ATRNL1: variants seen among roughly 807,000 people sequenced by gnomAD.
The protein encoded by ATRNL1 is attractin-like protein 1.
Under a neutral mutation model 182.7 loss-of-function variants are expected in ATRNL1, and 95 were observed. The ratio of observed to expected loss-of-function variants is 0.52; its 90% CI spans 0.44 to 0.62. ATRNL1 has a LOEUF of 0.62. Ranked by LOEUF, ATRNL1 falls within the 20% of genes least tolerant of loss-of-function variation. The pLI, the probability that ATRNL1 is intolerant of heterozygous loss-of-function variation, is 0.00. For missense variants in ATRNL1, 1,471 were observed against 1,679.5 expected, an observed-to-expected ratio of 0.88 and a Z score of 2.17; for synonymous variants, 576 against 568.3, an observed-to-expected ratio of 1.01 and a Z score of -0.19.
chr10:115,327,487 G>A (rs1172857908), intron 18 of ATRNL1, among the ~76,000 whole-genome samples: 3 of 150,320 alleles, frequency 2.0e-5, no homozygotes, highest in Non-Finnish European at 4.5e-5. Flanking sequence ...CACTGTTGGT[G>A]GGACTGTAAA....
intron 25 of ATRNL1, among the ~76,000 whole-genome samples, chr10:115,521,026 T>C (rs1850899518): frequency 6.6e-6 from 1 of 152,240 alleles, no homozygotes. Context: ...TTTACAACTT[T>C]GTACTTCAGA....
chr10:115,442,070 C>T (rs1411643685), intron 21 of ATRNL1, among the ~76,000 whole-genome samples: 3 of 151,990 alleles, frequency 2.0e-5, no homozygotes, highest in African/African-American at 7.2e-5. Flanking sequence ...AGACATTCTC[C>T]AATCGGCCAC....
At chr10:115,239,445 C>G (rs1850320097) in intron 9 of ATRNL1, among the ~76,000 whole-genome samples, 1 of 151,894 alleles carries the variant, frequency 6.6e-6, no homozygotes, top group Non-Finnish European at 1.5e-5. Flanking sequence ...TGTTGGCAAG[C>G]CTAGTCTGGA....
chr10:115,928,393 G>T (rs1270085612), intron 28 of ATRNL1, among the ~76,000 whole-genome samples: 1 of 151,998 alleles, frequency 6.6e-6, no homozygotes, highest in Non-Finnish European at 1.5e-5. Context: ...TTCAAACACA[G>T]ATTTTAATAA....
intron 15 of ATRNL1, among the ~76,000 whole-genome samples, chr10:115,292,080 A>G (rs1231278109): frequency 6.6e-6 from 1 of 151,596 alleles, no homozygotes; most frequent in Non-Finnish European, 1.5e-5. Flanking sequence ...TTTTGGTTCA[A>G]TTTCTAGGTT....
Position 115,715,764 on chromosome 10 carries a change from A to G in ATRNL1, c.3796-11484A>G, listed in dbSNP as rs1170558040. 2.6e-5 allele frequency among the ~76,000 whole-genome samples: 4 copies of G among 152,354 alleles called. 1 individual carries two copies. The highest frequency in any genetic ancestry group is 2.6e-4 in the Admixed American group (4 of 15,302). The stretch of plus-strand genomic sequence containing the variant: ...TTTAGTTTCAAAAATTTACTCATAG[A>G]CATGCTAAGTAAAGAAGACTTGTCT... On this transcript the variant is annotated intron_variant, in intron 26 of 28. Transcript: ENST00000355044.
chr10:115,907,926 A>G (rs985390191), intron 28 of ATRNL1, among the ~76,000 whole-genome samples: 1 of 152,202 alleles, frequency 6.6e-6, no homozygotes, highest in African/African-American at 2.4e-5. Flanking sequence ...TGAATAAGGC[A>G]AAGAAGAAAG....
At chr10:115,597,081 G>A (rs1482355700) in intron 26 of ATRNL1, among the ~76,000 whole-genome samples, 1 of 152,022 alleles carries the variant, frequency 6.6e-6, no homozygotes, top group Non-Finnish European at 1.5e-5. Flanking sequence ...GTTTCTTCTA[G>A]TTTAAATAGT....
chr10:115,581,571 G>A (rs963961638), intron 26 of ATRNL1, among the ~76,000 whole-genome samples: 20 of 152,058 alleles, frequency 1.3e-4, no homozygotes, highest in African/African-American at 4.6e-4. Flanking sequence ...TTTGATATAT[G>A]TAAATTAAAA....
chr10:115,111,218 G>T (rs200467443), intron 1 of ATRNL1, among the ~76,000 whole-genome samples: 1 of 152,174 alleles, frequency 6.6e-6, no homozygotes, highest in East Asian at 1.9e-4. Flanking sequence ...AAAAATGTTT[G>T]AGTTGTATAG....
At chr10:115,458,898 G>A (rs1847659833) in intron 21 of ATRNL1, among the ~76,000 whole-genome samples, 1 of 152,074 alleles carries the variant, frequency 6.6e-6, no homozygotes, top group African/African-American at 2.4e-5. Flanking sequence ...CCTACTTTTT[G>A]TTGTGGGAAG....
At chr10:115,277,700 T>C (rs1852165705) in intron 13 of ATRNL1, among the ~76,000 whole-genome samples, 1 of 152,094 alleles carries the variant, frequency 6.6e-6, no homozygotes, top group Non-Finnish European at 1.5e-5. Flanking sequence ...CTATTTTTCA[T>C]GAGTTAGGTT....
At chr10:115,392,080 G>A (rs1554954491) in intron 19 of ATRNL1, among the ~76,000 whole-genome samples, 1 of 152,088 alleles carries the variant, frequency 6.6e-6, no homozygotes, top group African/African-American at 2.4e-5. Flanking sequence ...GATACAAGTA[G>A]TAGCATTAGA....
At chr10:115,257,907 C>A (rs1214226025) in intron 10 of ATRNL1, among the ~76,000 whole-genome samples, 2 of 152,176 alleles carry the variant, frequency 1.3e-5, no homozygotes, top group Non-Finnish European at 2.9e-5. Context: ...GTTGAAAATT[C>A]TTTTCTTTAA....
intron 25 of ATRNL1, among the ~76,000 whole-genome samples, chr10:115,535,643 G>T (rs1175793658): frequency 1.3e-5 from 2 of 152,164 alleles, no homozygotes; most frequent in Admixed American, 6.5e-5. Context: ...TTGTTCCGTT[G>T]CTGGTGAGGA....
chr10:115,364,361 A>G (rs1258885407), intron 19 of ATRNL1, among the ~76,000 whole-genome samples: 8 of 137,606 alleles, frequency 5.8e-5, no homozygotes, highest in Admixed American at 3.7e-4. Flanking sequence ...ATTTTTGTAC[A>G]TTGATTTTGT....
chr10:115,271,161 ATAT>A (rs1244466681), intron 13 of ATRNL1, among the ~76,000 whole-genome samples: 2 of 118,860 alleles, frequency 1.7e-5, no homozygotes, highest in African/African-American at 3.4e-5. Context: ...GAAAACAAAG[ATAT>A]TACACACACA....
intron 9 of ATRNL1, among the ~76,000 whole-genome samples, chr10:115,218,842 G>T (rs566645764): frequency 6.6e-6 from 1 of 152,266 alleles, no homozygotes; most frequent in African/African-American, 2.4e-5. Flanking sequence ...TGCTGCCAGT[G>T]GTGACTGTTT....
chr10:115,192,796 T>C lies in ATRNL1; in HGVS notation c.1348+21504T>C, dbSNP rs183500742. On this transcript the variant is annotated intron_variant, in intron 8 of 28. Transcript: ENST00000355044. The stretch of plus-strand genomic sequence containing the variant: ...GAGATCTTTCACTTCTTTGGTTAAG[T>C]TAATTCCCAGACATTTTATTTCACT... Among the ~76,000 whole-genome samples, 989 of 152,230 alleles carry C rather than the reference T, an allele frequency of 6.5e-3. 10 individuals are homozygous for C. The highest frequency in any genetic ancestry group is 0.023 in the African/African-American group (937 of 41,566).
Sources: gnomAD v4.1 joint callset for allele counts (sites outside exome capture counted in the v4.1 genomes callset) on GRCh38, gnomAD v4.1.1 for gene constraint, MANE v1.5 for transcripts, NCBI Gene and HGNC (gene_info 2026-07-23, HGNC 2026-07-21) for gene names.